Variants in POLA1 observed in about 807,000 individuals in gnomAD.
The protein encoded by POLA1 is DNA polymerase alpha 1, catalytic subunit, also known as DNA polymerase alpha catalytic subunit.
A neutral mutation model predicts 124.0 loss-of-function variants in POLA1; 15 were observed. The observed-to-expected ratio is 0.12, with a 90% confidence interval of 0.08 to 0.19. The LOEUF (loss-of-function observed/expected upper bound fraction) is 0.19, where lower values mean the gene tolerates loss of function less well. POLA1 is among the 10% of genes least tolerant of loss of function. The probability of loss-of-function intolerance (pLI) is 1.00; values close to 1 mark genes in which losing one functional copy is unlikely to be tolerated. For missense variants in POLA1, 886 were observed against 1,103.4 expected, an observed-to-expected ratio of 0.80 and a Z score of 2.79; for synonymous variants, 408 against 389.4, an observed-to-expected ratio of 1.05 and a Z score of -0.56.
At chrX:24,772,341 A>G (rs1397820355) in intron 26 of POLA1, among the ~76,000 whole-genome samples, 2 of 111,462 alleles carry the variant, frequency 1.8e-5, no homozygotes, top group Admixed American at 1.9e-4. Context: ...ATTTCTTACC[A>G]TAAAGGATAT....
intron 26 of POLA1, among the ~76,000 whole-genome samples, chrX:24,754,385 G>A (rs900937493): frequency 6.4e-5 from 7 of 109,189 alleles, no homozygotes; most frequent in African/African-American, 2.3e-4. Flanking sequence ...AGCCTCCCAA[G>A]TAGCTGGGAT....
At chrX:24,907,024 C>G (rs1484152432) in intron 35 of POLA1, among the ~76,000 whole-genome samples, 3 of 111,116 alleles carry the variant, frequency 2.7e-5, no homozygotes, top group Non-Finnish European at 5.7e-5. Context: ...CCCATCTGTA[C>G]TAGAAATTTT....
chrX:24,776,219 T>G (rs1446787579), intron 26 of POLA1, among the ~76,000 whole-genome samples: 1 of 112,216 alleles, frequency 8.9e-6, no homozygotes, highest in Non-Finnish European at 1.9e-5. Context: ...GAATGCTTAC[T>G]CTCTTATTGC....
At chrX:24,774,057 G>A (rs1179195756) in intron 26 of POLA1, among the ~76,000 whole-genome samples, 1 of 111,747 alleles carries the variant, frequency 8.9e-6, no homozygotes, top group Non-Finnish European at 1.9e-5. Context: ...TTTGGCTAGA[G>A]GTGAGACTAG....
chrX:24,825,166 A>G (rs1446126906), intron 31 of POLA1, among the ~76,000 whole-genome samples: 1 of 112,705 alleles, frequency 8.9e-6, no homozygotes. Context: ...CTGAAAGAGC[A>G]AGAATTAAAC....
chrX:24,876,815 TC>T (rs1217556981), intron 34 of POLA1, among the ~76,000 whole-genome samples: 1 of 111,191 alleles, frequency 9.0e-6, no homozygotes, highest in Non-Finnish European at 1.9e-5. Flanking sequence ...GTAGTCGGTT[TC>T]CCCCCAATTC....
chrX:24,968,702 C>CAAAA (rs1230409270), intron 36 of POLA1, among the ~76,000 whole-genome samples: 2 of 33,967 alleles, frequency 5.9e-5, no homozygotes, highest in African/African-American at 9.3e-5. Context: ...GACTCCATCT[C>CAAAA]AAAAAAAAAA....
chrX:24,827,223 G>A (rs986346521), intron 32 of POLA1, among the ~76,000 whole-genome samples: 4 of 111,833 alleles, frequency 3.6e-5, no homozygotes, highest in Non-Finnish European at 5.6e-5. Context: ...GATTGTCTCC[G>A]TTGCTGTGTC....
At chrX:24,783,932 A>G (rs1378961161) in intron 26 of POLA1, among the ~76,000 whole-genome samples, 1 of 111,664 alleles carries the variant, frequency 9.0e-6, no homozygotes, top group African/African-American at 3.3e-5. Context: ...GATATAGAAC[A>G]TTTCCATCAT....
intron 36 of POLA1, among the ~76,000 whole-genome samples, chrX:24,934,249 TG>T (rs1156770648): frequency 1.8e-5 from 2 of 112,414 alleles, no homozygotes; most frequent in Admixed American, 1.9e-4. Flanking sequence ...CCTTTGTTGT[TG>T]TTTATTCAGC....
At chrX:24,979,012 A>G (rs2048394856) in intron 36 of POLA1, among the ~76,000 whole-genome samples, 1 of 112,377 alleles carries the variant, frequency 8.9e-6, no homozygotes, top group Non-Finnish European at 1.9e-5. Context: ...GAAAATGTAA[A>G]TTAGCCGCTT....
chrX:24,930,307 T>C, intron 35 of POLA1, 146 bp from the exon 36 acceptor site: 1 of 463,097 alleles, frequency 2.2e-6, no homozygotes, highest in Non-Finnish European at 3.8e-6. Flanking sequence ...AAACCATTAG[T>C]ATGATTCTGC....
chrX:24,875,806 A>ATCTGGAGC (rs2046922161), intron 34 of POLA1, among the ~76,000 whole-genome samples: 1 of 111,970 alleles, frequency 8.9e-6, no homozygotes, highest in African/African-American at 3.2e-5. Context: ...TTTAGAATGC[A>ATCTGGAGC]TCTGGAGCTG....
intron 30 of POLA1, among the ~76,000 whole-genome samples, chrX:24,818,833 AGAC>A (rs1265920042): frequency 1.8e-5 from 2 of 112,482 alleles, no homozygotes; most frequent in Non-Finnish European, 3.8e-5. Context: ...CTAGCTCAGT[AGAC>A]GACATCTGGG....
chrX:24,935,085 T>C (rs1248303618), intron 36 of POLA1, among the ~76,000 whole-genome samples: 2 of 111,663 alleles, frequency 1.8e-5, no homozygotes, highest in African/African-American at 6.5e-5. Context: ...CCTAATCTCC[T>C]CTTCTTATAC....
chrX:24,899,290 G>A (rs778383535), intron 35 of POLA1, among the ~76,000 whole-genome samples: 7 of 111,886 alleles, frequency 6.3e-5, no homozygotes, highest in Non-Finnish European at 1.3e-4. Flanking sequence ...ACTCTTGCAA[G>A]CACTTACTTT....
At chrX:24,978,021 G>A (rs766503791) in intron 36 of POLA1, among the ~76,000 whole-genome samples, 16 of 111,906 alleles carry the variant, frequency 1.4e-4, no homozygotes, top group Non-Finnish European at 2.4e-4. Flanking sequence ...TTTTCTGCTC[G>A]CTAGCTTTTG....
chrX:24,861,526 C>G (rs2046715961), intron 34 of POLA1, among the ~76,000 whole-genome samples: 1 of 112,648 alleles, frequency 8.9e-6, no homozygotes, highest in African/African-American at 3.2e-5. Context: ...AACTCATTTT[C>G]TAAACTAATG....
intron 35 of POLA1, among the ~76,000 whole-genome samples, chrX:24,913,720 A>G (rs753814733): frequency 1.3e-4 from 13 of 98,557 alleles, no homozygotes; most frequent in African/African-American, 2.5e-4. Flanking sequence ...GTCTCAAAAA[A>G]AAACAAAAAA....
Sources: allele counts gnomAD v4.1 joint callset (sites outside exome capture counted in the v4.1 genomes callset), GRCh38; gene constraint gnomAD v4.1.1; transcripts MANE v1.5; gene names NCBI Gene and HGNC (gene_info 2026-07-23, HGNC 2026-07-21).